The following C10orf90 variants were observed in gnomAD, a reference collection of about 807,000 sequenced individuals.
C10orf90 encodes (E2-independent) E3 ubiquitin-conjugating enzyme FATS.
A neutral mutation model predicts 62.5 loss-of-function variants in C10orf90; 56 were observed. The observed-to-expected ratio is 0.90, with a 90% confidence interval of 0.72 to 1.12. C10orf90 has a LOEUF of 1.12. Ranked by LOEUF, C10orf90 falls within the 50% of genes most tolerant of loss-of-function variation. C10orf90 has a pLI of 0.00. For missense variants in C10orf90, 970 were observed against 880.4 expected (o/e 1.10, Z -1.29); for synonymous variants, 386 against 340.4 (o/e 1.13, Z -1.47).
chr10:126,530,726 T>G (rs1864069627), intron 2 of C10orf90, among the ~76,000 whole-genome samples: 1 of 151,880 alleles, frequency 6.6e-6, no homozygotes, highest in South Asian at 2.1e-4. Context: ...GAAAGATGAA[T>G]TCTATCAAAC....
At chr10:126,510,870 T>C (rs1234706605) in intron 3 of C10orf90, among the ~76,000 whole-genome samples, 1 of 152,262 alleles carries the variant, frequency 6.6e-6, no homozygotes, top group African/African-American at 2.4e-5. Context: ...ATCAGAGGAA[T>C]CGGCTCCTAA....
intron 2 of C10orf90, chr10:126,522,718 C>T (rs949273795): frequency 6.6e-6 from 1 of 152,262 alleles, no homozygotes; most frequent in Non-Finnish European, 1.5e-5. Context: ...ATTTAAGTCT[C>T]TTACCAGGTG....
intron 2 of C10orf90, among the ~76,000 whole-genome samples, chr10:126,613,164 T>C (rs1845473703): frequency 6.6e-6 from 1 of 152,232 alleles, no homozygotes. Context: ...TACTGTATTT[T>C]GCCACAAGTT....
At chr10:126,595,510 G>C (rs1591129469) in intron 2 of C10orf90, among the ~76,000 whole-genome samples, 1 of 152,308 alleles carries the variant, frequency 6.6e-6, no homozygotes, top group East Asian at 1.9e-4. Flanking sequence ...TTGCAAATAA[G>C]GGATTTTGTG....
intron 4 of C10orf90, among the ~76,000 whole-genome samples, chr10:126,497,481 G>A (rs1011549907): frequency 5.3e-5 from 8 of 152,316 alleles, no homozygotes; most frequent in African/African-American, 1.9e-4. Flanking sequence ...GAATCGACCA[G>A]AGAAGCTGGC....
At chr10:126,476,365 T>A (rs1415774172) in intron 4 of C10orf90, among the ~76,000 whole-genome samples, 1 of 152,220 alleles carries the variant, frequency 6.6e-6, no homozygotes, top group South Asian at 2.1e-4. Flanking sequence ...TTTGAAGAAC[T>A]ATTTTTGACA....
In C10orf90 at chr10:126,546,625, G is replaced by A. The variant is rs1278766366; in HGVS notation, c.314-32686C>T. On this transcript the variant is annotated intron_variant, in intron 2 of 9. Transcript: ENST00000488181. ...CAGTGGAGGCTGAGTGGGGAGCAGA[G>A]CTCTCCTCACTGCCCAGCAGCAATG... Among the ~76,000 whole-genome samples the A allele has an allele frequency of 3.3e-5, 5 of 152,320 alleles. No individual in the cohort carries two copies. The East Asian group carries it at 9.7e-4, about 30-fold the overall frequency.
chr10:126,430,558 A>C (rs1226777389), intron 7 of C10orf90, among the ~76,000 whole-genome samples: 3 of 152,234 alleles, frequency 2.0e-5, no homozygotes, highest in Non-Finnish European at 2.9e-5. Flanking sequence ...GGACTGTTCC[A>C]ATAACTCAAA....
At chr10:126,430,325 AC>A (rs1391078548) in intron 7 of C10orf90, among the ~76,000 whole-genome samples, 1 of 152,198 alleles carries the variant, frequency 6.6e-6, no homozygotes, top group Non-Finnish European at 1.5e-5. Flanking sequence ...CACGATAAAG[AC>A]CACCTTGCCC....
intron 2 of C10orf90, among the ~76,000 whole-genome samples, chr10:126,548,588 A>G (rs1181746249): frequency 1.3e-5 from 2 of 152,046 alleles, no homozygotes; most frequent in Non-Finnish European, 2.9e-5. Flanking sequence ...GATGGTCTCG[A>G]TCTCCTGACC....
At chr10:126,513,118 G>A (rs1863234028) in intron 3 of C10orf90, among the ~76,000 whole-genome samples, 1 of 152,214 alleles carries the variant, frequency 6.6e-6, no homozygotes, top group South Asian at 2.1e-4. Context: ...TAACATCTTG[G>A]ACAGTTTTTT....
intron 2 of C10orf90, among the ~76,000 whole-genome samples, chr10:126,518,875 C>A (rs571641786): frequency 6.6e-6 from 1 of 152,128 alleles, no homozygotes; most frequent in African/African-American, 2.4e-5. Flanking sequence ...GAGTCAAGTA[C>A]TTCCAGAATC....
intron 2 of C10orf90, among the ~76,000 whole-genome samples, chr10:126,514,770 G>A (rs1322443944): frequency 2.6e-5 from 4 of 152,096 alleles, no homozygotes; most frequent in African/African-American, 7.2e-5. Context: ...CCACAGCACC[G>A]CCCTGCGCCC....
At chr10:126,462,438 A>C (rs1196929351) in intron 5 of C10orf90, among the ~76,000 whole-genome samples, 1 of 152,122 alleles carries the variant, frequency 6.6e-6, no homozygotes, top group Non-Finnish European at 1.5e-5. Flanking sequence ...CCCACCCTCC[A>C]GGCTGAGTCC....
intron 1 of C10orf90, among the ~76,000 whole-genome samples, chr10:126,666,544 C>T (rs553913829): frequency 1.1e-4 from 16 of 152,056 alleles, no homozygotes; most frequent in Non-Finnish European, 1.9e-4. Context: ...AGCATGAGCA[C>T]GAGGAGGGGT....
At chr10:126,525,724 C>T (rs1863921813) in intron 2 of C10orf90, among the ~76,000 whole-genome samples, 1 of 152,174 alleles carries the variant, frequency 6.6e-6, no homozygotes, top group East Asian at 1.9e-4. Flanking sequence ...TCCTGTGTCC[C>T]CACTTAGAAA....
chr10:126,619,102 G>A (rs779324591), intron 2 of C10orf90, among the ~76,000 whole-genome samples: 14 of 152,248 alleles, frequency 9.2e-5, no homozygotes, highest in Non-Finnish European at 1.3e-4. Context: ...ACTTCTTTGC[G>A]CTGGTTTTCT....
At chr10:126,467,235 A>G (rs1473308193) in intron 4 of C10orf90, among the ~76,000 whole-genome samples, 1 of 152,242 alleles carries the variant, frequency 6.6e-6, no homozygotes, top group Non-Finnish European at 1.5e-5. Context: ...AAAGCAACTC[A>G]GAGAAAATAG....
rs945610980 is a variant in C10orf90 at position 126,473,122 on chromosome 10, A to G, written c.1535-8136T>C. Among the ~76,000 whole-genome samples the G allele has an allele frequency of 7.2e-5, 11 of 152,332 alleles. No individual in the cohort carries two copies. In the East Asian group the frequency reaches 2.1e-3, roughly 29 times the overall value. On this transcript the variant is annotated intron_variant, in intron 4 of 9. Coordinates refer to ENST00000488181, the MANE Select transcript of C10orf90 (RefSeq NM_001350921.2). The stretch of plus-strand genomic sequence containing the variant: ...CTCATGCCTCCTACATCCAATGGCC[A>G]TCATCTCCACACCAGCCCCACATTC...
Sources: allele counts gnomAD v4.1 joint callset (sites outside exome capture counted in the v4.1 genomes callset), GRCh38; gene constraint gnomAD v4.1.1; transcripts MANE v1.5; gene names NCBI Gene and HGNC (gene_info 2026-07-23, HGNC 2026-07-21).